Variants in MEGF10 observed in about 807,000 individuals in gnomAD.
MEGF10 encodes multiple epidermal growth factor-like domains protein 10.
MEGF10 carries 86 observed loss-of-function variants against 147.5 expected under a neutral mutation model. The ratio of observed to expected loss-of-function variants is 0.58; its 90% confidence interval spans 0.49 to 0.70. MEGF10 has a LOEUF of 0.70. MEGF10 is among the 30% of genes least tolerant of loss of function. The pLI is 0.00. For missense variants in MEGF10, 1,329 were observed against 1,487.3 expected, an observed-to-expected ratio of 0.89 and a Z score of 1.75; for synonymous variants, 478 against 525.5, an observed-to-expected ratio of 0.91 and a Z score of 1.24.
rs994057253 is a variant in MEGF10 at position 127,450,700 on chromosome 5, T to C, written c.2980+1478T>C. ...AGATTATTTTTTGTTTCTTTTAAAT[T>C]TTAATATAACTGACCTTTGTGTATT... On this transcript the variant is annotated intron_variant, in intron 22 of 24. Coordinates refer to ENST00000503335, the MANE Select transcript of MEGF10 (RefSeq NM_001256545.2). 3.9e-5 allele frequency among the ~76,000 whole-genome samples: 6 copies of C among 152,154 alleles called. No homozygotes were observed. In the East Asian group the frequency reaches 1.2e-3, roughly 29 times the overall value.
intron 2 of MEGF10, among the ~76,000 whole-genome samples, chr5:127,334,949 A>C (rs1443022578): frequency 6.6e-6 from 1 of 152,132 alleles, no homozygotes; most frequent in Non-Finnish European, 1.5e-5. Flanking sequence ...CCCAAGTGAT[A>C]ATGTCTTCCT....
chr5:127,341,501 C>T (rs1761683063), intron 4 of MEGF10, among the ~76,000 whole-genome samples: 1 of 152,092 alleles, frequency 6.6e-6, no homozygotes, highest in Admixed American at 6.6e-5. Flanking sequence ...CATCACTTGG[C>T]TGGGTGGCCT....
rs530524987 is a variant in MEGF10, at chr5:127,342,281, C to A, written c.319+1651C>A. ...ACTCAGGCTGGCCATTTCCCAGAGG[C>A]CTTCAGTGACATTATCTTGATGCCT... On this transcript the variant is annotated intron_variant, in intron 4 of 24. Transcript: ENST00000503335. Among the ~76,000 whole-genome samples the A allele has an allele frequency of 5.3e-5, 8 of 152,224 alleles. No individual in the cohort carries two copies. The South Asian group carries it at 1.5e-3, about 28-fold the overall frequency.
chr5:127,389,232 G>T (rs536099573), intron 5 of MEGF10, among the ~76,000 whole-genome samples: 1 of 152,262 alleles, frequency 6.6e-6, no homozygotes, highest in Admixed American at 6.5e-5. Flanking sequence ...ACTAGAAATA[G>T]CTGTAATCCA....
At chr5:127,380,411 G>T (rs1763205515) in intron 5 of MEGF10, among the ~76,000 whole-genome samples, 1 of 152,206 alleles carries the variant, frequency 6.6e-6, no homozygotes, top group South Asian at 2.1e-4. Flanking sequence ...GACAGAGAGG[G>T]CGTGATGCGA....
At position 127,432,649 on chromosome 5, in the gene MEGF10, T is replaced by C. The variant is rs115920407; in HGVS notation, c.1694-714T>C. Among the ~76,000 whole-genome samples the C allele has an allele frequency of 7.8e-3, 1,181 of 152,342 alleles. 28 individuals are homozygous for C. Among genetic ancestry groups the C allele is most frequent in the Non-Finnish European group, 6.2e-3 (419 of 68,018 alleles). ...TGGTTTTAGTTTTATTTTTGCAAACTTAGCTTTCCTTTCTGTTTCCTTTTG... is the reference window on the plus strand; with the variant it reads ...TGGTTTTAGTTTTATTTTTGCAAACCTAGCTTTCCTTTCTGTTTCCTTTTG... On this transcript the variant is annotated intron_variant, in intron 13 of 24. Transcript: ENST00000503335.
chr5:127,430,746 C>G (rs568938905), intron 13 of MEGF10, among the ~76,000 whole-genome samples: 1 of 152,258 alleles, frequency 6.6e-6, no homozygotes, highest in Admixed American at 6.5e-5. Flanking sequence ...AAAGACAACT[C>G]CACACCTTTC....
intron 1 of MEGF10, among the ~76,000 whole-genome samples, chr5:127,307,228 A>T (rs2546085): frequency 5.9e-5 from 9 of 151,942 alleles, no homozygotes; most frequent in African/African-American, 1.9e-4. Flanking sequence ...AGACACCTGA[A>T]AAAACTCTTC....
intron 19 of MEGF10, chr5:127,445,163 C>G: frequency 5.1e-6 from 2 of 390,512 alleles, no homozygotes; most frequent in South Asian, 5.7e-5. Context: ...AACTGCTAGG[C>G]TAGATCAGTT....
intron 22 of MEGF10, among the ~76,000 whole-genome samples, chr5:127,449,557 G>A (rs958289923): frequency 1.5e-4 from 23 of 152,156 alleles, no homozygotes; most frequent in Non-Finnish European, 2.8e-4. Flanking sequence ...CCATCTGCAT[G>A]TTACAGTTGA....
intron 13 of MEGF10, chr5:127,424,642 A>G: frequency 8.9e-7 from 1 of 1,127,920 alleles, no homozygotes; most frequent in Non-Finnish European, 1.1e-6. Context: ...TACCTTGGGA[A>G]ACAGGCTAAG....
At chr5:127,317,187 T>C (rs1760590058) in intron 1 of MEGF10, among the ~76,000 whole-genome samples, 1 of 152,210 alleles carries the variant, frequency 6.6e-6, no homozygotes, top group Non-Finnish European at 1.5e-5. Flanking sequence ...TGTTTTTTTC[T>C]TGTAAATTTG....
intron 8 of MEGF10, among the ~76,000 whole-genome samples, chr5:127,405,805 A>G (rs1764300085): frequency 6.6e-6 from 1 of 152,006 alleles, no homozygotes. Flanking sequence ...AATTTTGTTA[A>G]TAGTAGCTGC....
At chr5:127,416,327 C>T (rs1195662017) in intron 9 of MEGF10, among the ~76,000 whole-genome samples, 1 of 150,580 alleles carries the variant, frequency 6.6e-6, no homozygotes, top group Non-Finnish European at 1.5e-5. Flanking sequence ...CATGCCTGGC[C>T]CAAGGGCTCA....
chr5:127,291,629 GT>G (rs1271443167), intron 1 of MEGF10, among the ~76,000 whole-genome samples: 1 of 152,180 alleles, frequency 6.6e-6, no homozygotes, highest in African/African-American at 2.4e-5. Flanking sequence ...GGCCTTGTCA[GT>G]ATGCTTGGCT....
At chr5:127,257,833 A>C in the MEGF10 span, among the ~76,000 whole-genome samples, 1 of 152,232 alleles carries the variant, frequency 6.6e-6, no homozygotes, top group Non-Finnish European at 1.5e-5. Context: ...ATTTCTTAGA[A>C]ATAGGTATGT....
At chr5:127,329,158 G>T (rs1038352642) in intron 1 of MEGF10, among the ~76,000 whole-genome samples, 3 of 151,766 alleles carry the variant, frequency 2.0e-5, no homozygotes, top group African/African-American at 7.3e-5. Flanking sequence ...ATAATGTTAA[G>T]CTTCAGATTT....
chr5:127,352,195 T>C (rs1223713326), intron 4 of MEGF10, among the ~76,000 whole-genome samples: 2 of 152,182 alleles, frequency 1.3e-5, no homozygotes, highest in Non-Finnish European at 2.9e-5. Flanking sequence ...GCCAAATTGC[T>C]GTCCAGACAG....
At chr5:127,376,637 C>T (rs774991103) in intron 5 of MEGF10, among the ~76,000 whole-genome samples, 6 of 152,004 alleles carry the variant, frequency 3.9e-5, no homozygotes, top group South Asian at 2.1e-4. Flanking sequence ...GGCAGAAGGG[C>T]GGTTACATTG....
Sources: allele counts gnomAD v4.1 joint callset (sites outside exome capture counted in the v4.1 genomes callset), GRCh38; gene constraint gnomAD v4.1.1; transcripts MANE v1.5; gene names NCBI Gene and HGNC (gene_info 2026-07-23, HGNC 2026-07-21).